The following DLGAP2 variants were observed in gnomAD, a reference collection of about 807,000 sequenced individuals.
DLGAP2 encodes DLG associated protein 2.
A neutral mutation model predicts 100.3 loss-of-function variants in DLGAP2; 26 were observed. The observed-to-expected ratio is 0.26, with a 90% CI of 0.19 to 0.36. The LOEUF (loss-of-function observed/expected upper bound fraction) is 0.36. DLGAP2 is among the 10% of genes least tolerant of loss of function. The pLI is 1.00. For missense variants in DLGAP2, 1,858 were observed against 1,453.2 expected, an observed-to-expected ratio of 1.28 and a Z score of -4.53; for synonymous variants, 886 against 630.1, an observed-to-expected ratio of 1.41 and a Z score of -6.08.
intron 6 of DLGAP2, among the ~76,000 whole-genome samples, chr8:1,606,585 T>G (rs1796807690): frequency 6.6e-6 from 1 of 152,236 alleles, no homozygotes; most frequent in African/African-American, 2.4e-5. Flanking sequence ...GCATATTCCA[T>G]TGTATGGATA....
In DLGAP2 at chr8:1,446,857, A is replaced by G. The variant is rs556304249; in HGVS notation, c.107-54509A>G. ...GTATTTTATTCTCTTTGAAGCAATT[A>G]TGAATGGGAGTTCACTCATGATTTG... On this transcript the variant is annotated intron_variant, in intron 3 of 14. Coordinates refer to ENST00000637795, the MANE Select transcript of DLGAP2 (RefSeq NM_001346810.2). 1.5e-4 allele frequency among the ~76,000 whole-genome samples: 23 copies of G among 152,008 alleles called. No homozygotes were observed. The East Asian group carries it at 3.5e-3, about 23-fold the overall frequency.
In DLGAP2 at chr8:787,571, T is replaced by C. The variant is rs183114083; in HGVS notation, c.18+49746T>C. Among the ~76,000 whole-genome samples the C allele has an allele frequency of 2.3e-3, 343 of 152,302 alleles. 1 individual carries two copies. Among genetic ancestry groups the C allele is most frequent in the African/African-American group, 7.9e-3 (328 of 41,570 alleles). ...TGCTGCTCTGTCTCCCCTGCAGCCT[T>C]ACTTGGTGAGGTCAGCAGTGTTGGG... On this transcript the variant is annotated intron_variant, in intron 1 of 14. Transcript: ENST00000637795.
intron 2 of DLGAP2, among the ~76,000 whole-genome samples, chr8:954,612 C>G (rs1162862741): frequency 1.3e-5 from 2 of 152,040 alleles, no homozygotes; most frequent in Non-Finnish European, 2.9e-5. Context: ...GCAAGTCATA[C>G]AGGGAGACAT....
chr8:1,702,699 G>A lies in DLGAP2; in HGVS notation c.*1293G>A, dbSNP rs1449954838. The A allele has an allele frequency of 2.0e-5, 3 of 152,302 alleles. No homozygotes were observed. Among genetic ancestry groups the A allele is most frequent in the Non-Finnish European group, 2.9e-5 (2 of 68,022 alleles). 9.4% of individuals were successfully genotyped at this position (152,302 alleles called of 1,614,324 possible). On this transcript the variant is annotated 3_prime_UTR_variant, in exon 15 of 15. Transcript: ENST00000637795. ...CGACTCTAATTAATAGGCTTTCTGT[G>A]TATATAATTAAATTTAGCTGCTGCA...
At chr8:1,618,171 G>A (rs937858724) in intron 6 of DLGAP2, among the ~76,000 whole-genome samples, 1 of 152,092 alleles carries the variant, frequency 6.6e-6, no homozygotes, top group African/African-American at 2.4e-5. Context: ...CCATGTTTAG[G>A]TTCCAGGTTT....
chr8:832,168 T>G lies in DLGAP2; in HGVS notation c.19-75744T>G, dbSNP rs539917126. Among the ~76,000 whole-genome samples, 16 of 152,264 alleles carry G rather than the reference T, an allele frequency of 1.1e-4. No individual in the cohort carries two copies. The South Asian group carries it at 3.1e-3, about 30-fold the overall frequency. ...TTTTCTCACATTCTGTAGGTTGCCT[T>G]TTCACTCTGTTGGTAGTTTCTTTTG... On this transcript the variant is annotated intron_variant, in intron 1 of 14. Transcript: ENST00000637795.
chr8:1,293,938 A>G (rs1264330758), intron 3 of DLGAP2, among the ~76,000 whole-genome samples: 1 of 152,248 alleles, frequency 6.6e-6, no homozygotes, highest in Non-Finnish European at 1.5e-5. Context: ...CAAAACAAGT[A>G]TCAGGCTGCG....
intron 3 of DLGAP2, among the ~76,000 whole-genome samples, chr8:1,495,433 G>T (rs1799517308): frequency 6.6e-6 from 1 of 152,234 alleles, no homozygotes; most frequent in Non-Finnish European, 1.5e-5. Context: ...GCTGCTCTGA[G>T]CCGGAGACTG....
chr8:1,622,039 T>C (rs943024512), intron 6 of DLGAP2: 1 of 152,252 alleles, frequency 6.6e-6, no homozygotes, highest in African/African-American at 2.4e-5. Context: ...CAGTCATTAA[T>C]TGTGATATTA....
chr8:1,526,831 C>G (rs916129757), intron 4 of DLGAP2, among the ~76,000 whole-genome samples: 2 of 152,158 alleles, frequency 1.3e-5, no homozygotes, highest in African/African-American at 4.8e-5. Flanking sequence ...TTCCATTTAC[C>G]TCTCAGGCCC....
At chr8:1,304,714 A>G (rs1563072841) in intron 3 of DLGAP2, among the ~76,000 whole-genome samples, 1 of 152,218 alleles carries the variant, frequency 6.6e-6, no homozygotes, top group African/African-American at 2.4e-5. Flanking sequence ...ATGATCGACA[A>G]AAGCAAGCAG....
At chr8:833,514 G>T (rs1237283117) in intron 1 of DLGAP2, among the ~76,000 whole-genome samples, 1 of 152,166 alleles carries the variant, frequency 6.6e-6, no homozygotes, top group Non-Finnish European at 1.5e-5. Flanking sequence ...AGCAGAGGGT[G>T]GGGTGGGGGT....
chr8:1,101,721 C>G (rs893218656), intron 2 of DLGAP2, among the ~76,000 whole-genome samples: 7 of 130,762 alleles, frequency 5.4e-5, no homozygotes, highest in Admixed American at 1.5e-4. Context: ...CGGAGCCGAA[C>G]ACGACACGAC....
chr8:1,437,285 G>T (rs1189547245), intron 3 of DLGAP2, among the ~76,000 whole-genome samples: 2 of 152,226 alleles, frequency 1.3e-5, no homozygotes, highest in African/African-American at 4.8e-5. Flanking sequence ...TTCAGCCCAG[G>T]CATGCAGGCG....
chr8:900,536 G>T (rs903876066), intron 1 of DLGAP2, among the ~76,000 whole-genome samples: 15 of 152,232 alleles, frequency 9.9e-5, no homozygotes, highest in African/African-American at 3.6e-4. Context: ...AATATGCAGT[G>T]TGTGGGGAAT....
intron 1 of DLGAP2, among the ~76,000 whole-genome samples, chr8:877,789 A>C (rs1451510128): frequency 6.6e-6 from 1 of 152,114 alleles, no homozygotes; most frequent in African/African-American, 2.4e-5. Context: ...TGTGCAAATG[A>C]GGTTTGGCTC....
chr8:1,499,978 T>G (rs1392148997), intron 3 of DLGAP2, among the ~76,000 whole-genome samples: 1 of 55,326 alleles, frequency 1.8e-5, no homozygotes, highest in Non-Finnish European at 3.3e-5. Flanking sequence ...CATCTAACAC[T>G]TGGGTGGGGG....
intron 2 of DLGAP2, among the ~76,000 whole-genome samples, chr8:1,043,665 G>C (rs182386085): frequency 3.9e-5 from 6 of 152,204 alleles, no homozygotes; most frequent in East Asian, 1.9e-4. Flanking sequence ...TTTTCAGGGA[G>C]GGCTTGGTCA....
At chr8:1,187,912 A>G (rs1392451607) in intron 2 of DLGAP2, among the ~76,000 whole-genome samples, 152 of 55,068 alleles carry the variant, frequency 2.8e-3, no homozygotes, top group East Asian at 4.2e-3. Flanking sequence ...CCTCCGTGAC[A>G]TTTGCCTCAC....
Sources: gnomAD v4.1 joint callset for allele counts (sites outside exome capture counted in the v4.1 genomes callset) on GRCh38, gnomAD v4.1.1 for gene constraint, MANE v1.5 for transcripts, NCBI Gene and HGNC (gene_info 2026-07-23, HGNC 2026-07-21) for gene names.